The following FSCN1 variants were observed in gnomAD, a reference collection of about 807,000 sequenced individuals.
FSCN1 encodes the protein fascin.
Under a neutral mutation model 39.7 loss-of-function variants are expected in FSCN1, and 10 were observed. The observed-to-expected ratio is 0.25, with a 90% CI of 0.16 to 0.43. FSCN1 has a LOEUF of 0.43. Ranked by LOEUF, FSCN1 falls within the 20% of genes least tolerant of loss-of-function variation. The pLI is 1.00. For missense variants in FSCN1, 525 were observed against 723.8 expected, an observed-to-expected ratio of 0.73 and a Z score of 3.15; for synonymous variants, 322 against 320.0, an observed-to-expected ratio of 1.01 and a Z score of -0.07.
At position 5,603,694 on chromosome 7, in the gene FSCN1, C is replaced by A. The variant is rs1242413315; in HGVS notation, c.1111+77C>A. On this transcript the variant is annotated intron_variant, in intron 3 of 4. Coordinates refer to ENST00000382361, the MANE Select transcript of FSCN1 (RefSeq NM_003088.4). This position sits in a 1 kb window ranked among gnomAD's most constrained non-coding sequence, Gnocchi z 8.5. ...TGGCCATGCCGTGGTCACTTGGTAG[C>A]CCCAGCCAAGGCCTGCTCTGTGCTG... 1 of 1,592,274 alleles carries A rather than the reference C, an allele frequency of 6.3e-7. No individual in the cohort carries two copies. Among genetic ancestry groups the A allele is most frequent in the Non-Finnish European group, 8.6e-7 (1 of 1,163,780 alleles).
In FSCN1 at chr7:5,593,278, C is replaced by T. The variant is rs780778172; in HGVS notation, c.342C>T (p.Gly114=). ...AGGCGCACCGGCGCTACTTCGGCGGCACCGAGGACCGCCTGTCCTGCTTCG... is the reference window on the plus strand; with the variant it reads ...AGGCGCACCGGCGCTACTTCGGCGGTACCGAGGACCGCCTGTCCTGCTTCG... ...QSEAHRRYFG[G]TEDRLSCFAQ... Residue 114 remains glycine (G), a synonymous_variant, in exon 1 of 5, where the codon GGC becomes GGT. Coordinates refer to ENST00000382361, the MANE Select transcript of FSCN1 (RefSeq NM_003088.4). The T allele has an allele frequency of 3.1e-6, 5 of 1,609,590 alleles. No individual in the cohort carries two copies. In the Admixed American group the frequency reaches 6.7e-5, roughly 22 times the overall value.
intron 1 of FSCN1, among the ~76,000 whole-genome samples, chr7:5,595,133 C>T (rs998227331): frequency 9.2e-5 from 14 of 152,342 alleles, no homozygotes; most frequent in African/African-American, 3.4e-4. Context: ...GTGTCCTCAT[C>T]CCTCCTCTTG....
Position 5,592,872 on chromosome 7 carries a change from C to T in FSCN1, c.-65C>T. 1.0e-6 allele frequency: 1 copy of T among 985,462 alleles called. No homozygotes were observed. The highest frequency in any genetic ancestry group is 1.5e-6 in the Non-Finnish European group (1 of 681,454). 61.0% of individuals were successfully genotyped at this position (985,462 alleles called of 1,614,324 possible). ...CGGCAGCCGAACAAAGGAGCAGGGG[C>T]GCCGCCGCAGGGACCCGCCACCCAC... On this transcript the variant is annotated 5_prime_UTR_variant, in exon 1 of 5. Coordinates refer to ENST00000382361, the MANE Select transcript of FSCN1 (RefSeq NM_003088.4). The surrounding 1 kb of genome is among the most constrained non-coding windows in gnomAD (Gnocchi z 5.3).
intron 1 of FSCN1, among the ~76,000 whole-genome samples, chr7:5,600,943 C>T (rs1296765226): frequency 7.9e-6 from 1 of 125,822 alleles, no homozygotes; most frequent in Non-Finnish European, 1.7e-5. Flanking sequence ...CATGAGCCAC[C>T]TTGCCTGGTC....
rs1173233036 is a variant in FSCN1 at position 5,592,967 on chromosome 7, C to A, written c.31C>A (p.Gln11Lys). The change falls in exon 1 of 5, where the codon CAG (glutamine) becomes AAG (lysine). Residue 11 changes from glutamine (Q) to lysine (K), a missense_variant. Around this residue, in one of 3 missense-constraint regions of FSCN1, gnomAD observed 246 missense variants for 350.6 expected, o/e 0.70. Coordinates refer to ENST00000382361, the MANE Select transcript of FSCN1 (RefSeq NM_003088.4). The surrounding 1 kb of genome is among the most constrained non-coding windows in gnomAD (Gnocchi z 5.3). ...CGCCAACGGCACAGCCGAGGCGGTGCAGATCCAGTTCGGCCTCATCAACTG... is the reference window on the plus strand; with the variant it reads ...CGCCAACGGCACAGCCGAGGCGGTGAAGATCCAGTTCGGCCTCATCAACTG... MTANGTAEAVQIQFGLINCGN... is the reference protein window; with the variant it reads MTANGTAEAVKIQFGLINCGN... 6 of 1,580,656 alleles carry A rather than the reference C, an allele frequency of 3.8e-6. No individual in the cohort carries two copies. In the African/African-American group the frequency reaches 8.1e-5, roughly 21 times the overall value.
rs1785781037 is a variant in FSCN1, at chr7:5,599,079, C to A, written c.833-4178C>A. On this transcript the variant is annotated intron_variant, in intron 1 of 4. Coordinates refer to ENST00000382361, the MANE Select transcript of FSCN1 (RefSeq NM_003088.4). The surrounding 1 kb of genome is among the most constrained non-coding windows in gnomAD (Gnocchi z 5.6). ...AGGGCTGAGTGAGCAGAGGCCCCAG[C>A]CCTCGTGTTCCCTGGGGTGTGGCCT... Among the ~76,000 whole-genome samples, 1 of 151,392 alleles carries A rather than the reference C, an allele frequency of 6.6e-6. No homozygotes were observed.
rs767100246 is a variant in FSCN1, at chr7:5,604,022, A to G, written c.1271A>G (p.Asn424Ser). The change falls in exon 4 of 5, where the codon AAC (asparagine) becomes AGC (serine). Residue 424 changes from asparagine (N) to serine (S), a missense_variant. Coordinates refer to ENST00000382361, the MANE Select transcript of FSCN1 (RefSeq NM_003088.4). ...FQLEFNDGAY[N>S]IKDSTGKYWT... ...CTGGAGTTCAACGATGGCGCCTACA[A>G]CATCAAAGGCAGGTTCTCCTGTGGG... is the stretch of plus-strand genomic sequence containing the variant. The G allele has an allele frequency of 6.2e-7, 1 of 1,613,462 alleles. No homozygotes were observed. Among genetic ancestry groups the G allele is most frequent in the Non-Finnish European group, 8.5e-7 (1 of 1,179,944 alleles).
chr7:5,603,681 G>A lies in FSCN1; in HGVS notation c.1111+64G>A, dbSNP rs1014900007. ...GTCCTGGAGGGTCTGGCCATGCCGTGGTCACTTGGTAGCCCCAGCCAAGGC... is the reference window on the plus strand; with the variant it reads ...GTCCTGGAGGGTCTGGCCATGCCGTAGTCACTTGGTAGCCCCAGCCAAGGC... On this transcript the variant is annotated intron_variant, in intron 3 of 4. Transcript: ENST00000382361. The surrounding 1 kb of genome is among the most constrained non-coding windows in gnomAD (Gnocchi z 8.5). 1.9e-6 allele frequency: 3 copies of A among 1,605,220 alleles called. No individual in the cohort carries two copies. Among genetic ancestry groups the A allele is most frequent in the African/African-American group, 1.3e-5 (1 of 74,716 alleles).
chr7:5,603,912 G>T lies in FSCN1; in HGVS notation c.1161G>T (p.Val387=), dbSNP rs375630058. Residue 387 remains valine (V), a synonymous_variant, in exon 4 of 5, where the codon GTG becomes GTT. Coordinates refer to ENST00000382361, the MANE Select transcript of FSCN1 (RefSeq NM_003088.4). This position sits in a 1 kb window ranked among gnomAD's most constrained non-coding sequence, Gnocchi z 8.5. ...LMKLINRPII[V]FRGEHGFIGC... The stretch of plus-strand genomic sequence containing the variant: ...AGCTCATCAACCGCCCCATCATCGT[G>T]TTCCGCGGGGAGCATGGCTTCATCG... 403 of 1,614,078 alleles carry T rather than the reference G, an allele frequency of 2.5e-4. 2 individuals carry two copies. In the South Asian group the frequency reaches 2.8e-3, roughly 11 times the overall value.
intron 1 of FSCN1, among the ~76,000 whole-genome samples, chr7:5,594,311 C>A (rs577446692): frequency 6.6e-6 from 1 of 152,016 alleles, no homozygotes; most frequent in African/African-American, 2.4e-5. Flanking sequence ...CCCGTCTGCC[C>A]GGCCTTCCTC....
At position 5,592,866 on chromosome 7, in the gene FSCN1, C is replaced by G; in HGVS notation, c.-71C>G. Reference sequence around the variant, plus strand: ...GGGCCGCGGCAGCCGAACAAAGGAGCAGGGGCGCCGCCGCAGGGACCCGCC... The same window carrying G: ...GGGCCGCGGCAGCCGAACAAAGGAGGAGGGGCGCCGCCGCAGGGACCCGCC... On this transcript the variant is annotated 5_prime_UTR_variant, in exon 1 of 5. Transcript: ENST00000382361. The surrounding 1 kb of genome is among the most constrained non-coding windows in gnomAD (Gnocchi z 5.3). The G allele has an allele frequency of 1.1e-6, 1 of 908,434 alleles. No homozygotes were observed. Among genetic ancestry groups the G allele is most frequent in the East Asian group, 2.8e-5 (1 of 35,936 alleles). The allele number at this position is 908,434 out of a possible 1,614,324, so 56.3% of individuals were successfully genotyped here. A position where few individuals can be genotyped will look rare whatever the true frequency, so the allele number is the denominator to read the frequency against.
intron 1 of FSCN1, among the ~76,000 whole-genome samples, chr7:5,595,765 G>T (rs566325881): frequency 6.6e-6 from 1 of 152,316 alleles, no homozygotes; most frequent in South Asian, 2.1e-4. Flanking sequence ...GCAGGGCTAT[G>T]GTCCTTGCCT....
chr7:5,596,782 G>A (rs747680833), intron 1 of FSCN1, among the ~76,000 whole-genome samples: 2 of 152,182 alleles, frequency 1.3e-5, no homozygotes, highest in Non-Finnish European at 2.9e-5. Flanking sequence ...TTCTCCCCAC[G>A]AGGCGCAGGG....
chr7:5,595,796 C>G (rs941412294), intron 1 of FSCN1, among the ~76,000 whole-genome samples: 1 of 152,184 alleles, frequency 6.6e-6, no homozygotes, highest in Non-Finnish European at 1.5e-5. Flanking sequence ...GCCACAGCCT[C>G]CCGTGGGGAA....
rs574200238 is a variant in FSCN1 at position 5,606,398 on chromosome 7, C to G, written c.*924C>G. 6.6e-6 allele frequency: 1 copy of G among 152,170 alleles called. No individual in the cohort carries two copies. Among genetic ancestry groups the G allele is most frequent in the Non-Finnish European group, 1.5e-5 (1 of 68,002 alleles). 9.4% of individuals were successfully genotyped at this position (152,170 alleles called of 1,614,324 possible). A position where few individuals can be genotyped will look rare whatever the true frequency, so the allele number is the denominator to read the frequency against. ...AGCCCTGGGCCTGGGCTGCCGACAC[C>G]TGGGCCAGAGCCCCTGCTGTGATTG... On this transcript the variant is annotated 3_prime_UTR_variant, in exon 5 of 5. Transcript: ENST00000382361. This position sits in a 1 kb window ranked among gnomAD's most constrained non-coding sequence, Gnocchi z 5.1.
chr7:5,604,929 A>C (rs934668102), intron 4 of FSCN1, among the ~76,000 whole-genome samples: 3 of 150,412 alleles, frequency 2.0e-5, no homozygotes, highest in Non-Finnish European at 4.4e-5. Context: ...GAGCCACCAC[A>C]CCCGGCTAAT....
chr7:5,598,933 TGA>T (rs1439376814), intron 1 of FSCN1, among the ~76,000 whole-genome samples: 1 of 152,124 alleles, frequency 6.6e-6, no homozygotes, highest in Non-Finnish European at 1.5e-5. Flanking sequence ...CTGAGCAGAA[TGA>T]GGGGGCGGTG....
At position 5,593,139 on chromosome 7, in the gene FSCN1, G is replaced by T; in HGVS notation, c.203G>T (p.Arg68Leu). The T allele has an allele frequency of 6.2e-7, 1 of 1,603,102 alleles. No homozygotes were observed. The highest frequency in any genetic ancestry group is 8.5e-7 in the Non-Finnish European group (1 of 1,176,042). Residue 68 changes from arginine to leucine, a missense_variant, in exon 1 of 5, where the codon CGC becomes CTC. Physicochemically the swap from Arg to Leu is moderately radical, Grantham distance 102. Around this residue, in one of 3 missense-constraint regions of FSCN1, gnomAD observed 246 missense variants for 350.6 expected, o/e 0.70. Transcript: ENST00000382361. The stretch of plus-strand genomic sequence containing the variant: ...GTGTGCCTGCGCAGCCACCTGGGCC[G>T]CTACCTGGCGGCGGACAAGGACGGC... ...AAVCLRSHLGRYLAADKDGNV... is the reference protein window; with the variant it reads ...AAVCLRSHLGLYLAADKDGNV...
chr7:5,605,744 GGGCGAGTCT>G lies in FSCN1; in HGVS notation c.*274_*282del, dbSNP rs1562750698. 1 of 437,432 alleles carries G rather than the reference GGGCGAGTCT, an allele frequency of 2.3e-6. No homozygotes were observed. Among genetic ancestry groups the G allele is most frequent in the African/African-American group, 2.0e-5 (1 of 49,898 alleles). The allele number at this position is 437,432 out of a possible 1,614,324, so 27.1% of individuals were successfully genotyped here. ...TGCCCCTGCCCTCTTGTCTGCCACG[GGGCGAGTCT>G]GGCACCTCTTTCTTCTGACCTCAGA... On this transcript the variant is annotated 3_prime_UTR_variant, in exon 5 of 5. Transcript: ENST00000382361. This position sits in a 1 kb window ranked among gnomAD's most constrained non-coding sequence, Gnocchi z 6.9.
Sources: allele counts gnomAD v4.1 joint callset (sites outside exome capture counted in the v4.1 genomes callset), GRCh38; gene constraint gnomAD v4.1.1; regional missense constraint gnomAD v4.1.1; non-coding constraint Gnocchi (gnomAD v3.1); transcripts MANE v1.5; gene names NCBI Gene and HGNC (gene_info 2026-07-23, HGNC 2026-07-21).